Variants in RCC2 observed in about 807,000 individuals in gnomAD.
The protein encoded by RCC2 is protein RCC2.
In RCC2, 19 loss-of-function variants were observed where a neutral mutation model predicts 64.1. The ratio of observed to expected loss-of-function variants is 0.30; its 90% confidence interval spans 0.21 to 0.44. RCC2 has a LOEUF of 0.44. Among genes scored for constraint, RCC2 ranks in the 20% least tolerant of loss-of-function variants. The probability of loss-of-function intolerance (pLI) is 1.00; values close to 1 mark genes in which losing one functional copy is unlikely to be tolerated. For synonymous variants in RCC2, 325 were observed against 279.6 expected (o/e 1.16, Z -1.62); for missense variants, 508 against 710.4 (o/e 0.72, Z 3.24).
chr1:17,423,162 C>T (rs1321895449), intron 4 of RCC2, among the ~76,000 whole-genome samples: 3 of 152,182 alleles, frequency 2.0e-5, no homozygotes, highest in Non-Finnish European at 4.4e-5. Flanking sequence ...CGCAGAAACA[C>T]GCCGTTCCCA....
intron 2 of RCC2, among the ~76,000 whole-genome samples, chr1:17,429,765 G>A (rs761815469): frequency 9.2e-5 from 14 of 152,188 alleles, no homozygotes; most frequent in Non-Finnish European, 1.6e-4. Context: ...GGGTATGCAG[G>A]GGTCTGAATC....
rs905286816 is a variant in RCC2 at position 17,438,357 on chromosome 1, T to TCGCCGCTGCTGCCGC, written c.143_157dup (p.Gly48_Gly52dup). The TCGCCGCTGCTGCCGC allele has an allele frequency of 9.7e-6, 12 of 1,239,414 alleles. No homozygotes were observed. The highest frequency in any genetic ancestry group is 3.5e-5 in the East Asian group (1 of 28,930). The allele number at this position is 1,239,414 out of a possible 1,614,324, so 76.8% of individuals were successfully genotyped here. The stretch of plus-strand genomic sequence containing the variant: ...CCCGTCGAGCTCCAGGCCGTCCTCG[T>TCGCCGCTGCTGCCGC]CGCCGCTGCTGCCGCCGCCGCTGCT... On this transcript the variant is annotated inframe_insertion, in exon 2 of 13. Transcript: ENST00000375436.
At chr1:17,423,982 A>G (rs2075585554) in intron 4 of RCC2, among the ~76,000 whole-genome samples, 1 of 152,220 alleles carries the variant, frequency 6.6e-6, no homozygotes, top group Non-Finnish European at 1.5e-5. Flanking sequence ...CTGAAGGGCC[A>G]GCACTGGCAC....
chr1:17,413,227 G>T, intron 9 of RCC2, 49 bp from the exon 10 acceptor site: 1 of 1,296,124 alleles, frequency 7.7e-7, no homozygotes, highest in Non-Finnish European at 1.1e-6. Flanking sequence ...ATCGAGAGCT[G>T]AGTCTCATCT....
At chr1:17,428,984 C>A in intron 3 of RCC2, 122 bp downstream of exon 3, 1 of 770,044 alleles carries the variant, frequency 1.3e-6, no homozygotes, top group Non-Finnish European at 2.3e-6. Flanking sequence ...TGGCCTCAGG[C>A]AAGTCACTTG....
intron 11 of RCC2, 85 bp from the exon 12 acceptor site, chr1:17,410,136 C>T: frequency 8.1e-7 from 1 of 1,235,198 alleles, no homozygotes; most frequent in Non-Finnish European, 1.2e-6. Flanking sequence ...TTTCCTGGCC[C>T]CCACTAACCA....
intron 2 of RCC2, among the ~76,000 whole-genome samples, chr1:17,437,703 C>A (rs527252767): frequency 6.8e-6 from 1 of 146,876 alleles, no homozygotes; most frequent in Non-Finnish European, 1.5e-5. Context: ...GGCCCCGCCC[C>A]CCCCGGGCGC....
In RCC2 at chr1:17,416,738, G is replaced by A. The variant is rs2075490760; in HGVS notation, c.860-92C>T. On this transcript the variant is annotated intron_variant, in intron 7 of 12. Transcript: ENST00000375436. ...ACGGACTCTGTAGTGAGCCCCGGCAGCACCCCAATCTGGCCCTTCTGGGCC... is the reference window on the plus strand; with the variant it reads ...ACGGACTCTGTAGTGAGCCCCGGCAACACCCCAATCTGGCCCTTCTGGGCC... 3 of 1,364,220 alleles carry A rather than the reference G, an allele frequency of 2.2e-6. No individual in the cohort carries two copies. In the South Asian group the frequency reaches 4.3e-5, roughly 20 times the overall value. The allele number at this position is 1,364,220 out of a possible 1,614,324, so 84.5% of individuals were successfully genotyped here. A position where few individuals can be genotyped will look rare whatever the true frequency, so the allele number is the denominator to read the frequency against.
intron 7 of RCC2, 93 bp downstream of exon 7, chr1:17,420,621 C>T: frequency 1.4e-6 from 1 of 726,470 alleles, no homozygotes; most frequent in East Asian, 2.7e-5. Flanking sequence ...CAATTACCCA[C>T]ATTTCTAACA....
At chr1:17,414,357 C>G (rs529455573) in intron 8 of RCC2, among the ~76,000 whole-genome samples, 1 of 151,854 alleles carries the variant, frequency 6.6e-6, no homozygotes, top group Non-Finnish European at 1.5e-5. Flanking sequence ...TGGTGAAACC[C>G]ATCTCTACTA....
At chr1:17,412,447 ATCC>A (rs1476991398) in intron 10 of RCC2, among the ~76,000 whole-genome samples, 1 of 152,256 alleles carries the variant, frequency 6.6e-6, no homozygotes, top group Non-Finnish European at 1.5e-5. Flanking sequence ...CTTGCTGTGC[ATCC>A]TGCACAGCTC....
chr1:17,419,850 C>A (rs2075532272), intron 7 of RCC2, among the ~76,000 whole-genome samples: 1 of 152,238 alleles, frequency 6.6e-6, no homozygotes, highest in African/African-American at 2.4e-5. Context: ...ACCACGGCAA[C>A]CAACGCGAAA....
At chr1:17,439,411 C>T (rs1471315762) in intron 1 of RCC2, 134 bp downstream of exon 1, 1 of 149,642 alleles carries the variant, frequency 6.7e-6, no homozygotes, top group Non-Finnish European at 1.5e-5. Flanking sequence ...CGCCTTCCTT[C>T]CTCTTTTTAT....
chr1:17,419,778 G>A (rs1238854457), intron 7 of RCC2, among the ~76,000 whole-genome samples: 1 of 152,112 alleles, frequency 6.6e-6, no homozygotes, highest in Non-Finnish European at 1.5e-5. Context: ...GAAGCGGACC[G>A]CTGCTGGGCA....
chr1:17,420,928 G>A (rs986890451), intron 6 of RCC2, 100 bp from the exon 7 acceptor site: 6 of 742,654 alleles, frequency 8.1e-6, no homozygotes, highest in East Asian at 5.3e-5. Context: ...GGTTACAAAC[G>A]GAAGTTTAAT....
chr1:17,422,206 C>G lies in RCC2; in HGVS notation c.741G>C (p.Ala247=). The G allele has an allele frequency of 6.2e-7, 1 of 1,609,096 alleles. No individual in the cohort carries two copies. The change falls in exon 6 of 13, where the codon GCG becomes GCC. Residue 247 remains alanine, a synonymous_variant. Coordinates refer to ENST00000375436, the MANE Select transcript of RCC2 (RefSeq NM_018715.4). ...GNQTDAVPSP[A]QIMYNGQPIT... Reference sequence around the variant, plus strand: ...GCCGGAGCTGAGGAGGGGTCACCTGCGCGGGGCTGGGAACAGCGTCTGTCT... The same window carrying G: ...GCCGGAGCTGAGGAGGGGTCACCTGGGCGGGGCTGGGAACAGCGTCTGTCT...
rs573011598 is a variant in RCC2, at chr1:17,420,140, A to C, written c.859+574T>G. 7.7e-4 allele frequency among the ~76,000 whole-genome samples: 118 copies of C among 152,318 alleles called. 1 individual carries two copies. Among genetic ancestry groups the C allele is most frequent in the African/African-American group, 2.7e-3 (114 of 41,586 alleles). On this transcript the variant is annotated intron_variant, in intron 7 of 12. Coordinates refer to ENST00000375436, the MANE Select transcript of RCC2 (RefSeq NM_018715.4). The stretch of plus-strand genomic sequence containing the variant: ...CCGCACTTAGGGTCCGATGGGAAGG[A>C]GAATGGAGACCATCAGGTCGGAAGA...
intron 2 of RCC2, among the ~76,000 whole-genome samples, chr1:17,437,312 C>G (rs913906650): frequency 4.6e-5 from 7 of 152,304 alleles, no homozygotes; most frequent in Admixed American, 3.3e-4. Flanking sequence ...AGTTCTTGCT[C>G]TCTGGGGGTT....
rs1175543999 is a variant in RCC2, at chr1:17,429,218, G to A, written c.286-19C>T. ...CAAGTTTCTGCAGAGACAGAGAAAG[G>A]AAAAAAGAATTAGTGTGTAAGTCTG... is the stretch of plus-strand genomic sequence containing the variant. On this transcript the variant is annotated intron_variant, in intron 2 of 12. Transcript: ENST00000375436. 2 of 1,603,958 alleles carry A rather than the reference G, an allele frequency of 1.2e-6. No homozygotes were observed. Among genetic ancestry groups the A allele is most frequent in the African/African-American group, 1.3e-5 (1 of 74,682 alleles).
Sources: gnomAD v4.1 joint callset for allele counts (sites outside exome capture counted in the v4.1 genomes callset) on GRCh38, gnomAD v4.1.1 for gene constraint, MANE v1.5 for transcripts, NCBI Gene and HGNC (gene_info 2026-07-23, HGNC 2026-07-21) for gene names.